HEATR5B: variants seen among roughly 807,000 people sequenced by gnomAD.
The protein encoded by HEATR5B is HEAT repeat containing 5B, also known as HEAT repeat-containing protein 5B.
In HEATR5B, 156 loss-of-function variants were observed where a neutral mutation model predicts 224.1. That is an observed-to-expected ratio of 0.70 (90% confidence interval 0.61 to 0.80). The LOEUF is 0.80. Among genes scored for constraint, HEATR5B ranks in the 30% least tolerant of loss-of-function variants. HEATR5B has a pLI of 0.00. For synonymous variants in HEATR5B, 1,027 were observed against 893.0 expected (o/e 1.15, Z -2.68); for missense variants, 2,323 against 2,535.5 (o/e 0.92, Z 1.80).
intron 11 of HEATR5B, among the ~76,000 whole-genome samples, chr2:37,061,560 C>A (rs529384636): frequency 6.6e-6 from 1 of 152,240 alleles, no homozygotes; most frequent in South Asian, 2.1e-4. Context: ...TTAAGGGTTA[C>A]CCCAGAAAAG....
rs1351846494 is a variant in HEATR5B, at chr2:36,990,831, T to G, written c.5546-32A>C. The G allele has an allele frequency of 3.3e-6, 5 of 1,515,266 alleles. No homozygotes were observed. The South Asian group carries it at 6.3e-5, about 19-fold the overall frequency. 93.9% of individuals were successfully genotyped at this position (1,515,266 alleles called of 1,614,324 possible). A position where few individuals can be genotyped will look rare whatever the true frequency, so the allele number is the denominator to read the frequency against. On this transcript the variant is annotated intron_variant, in intron 33 of 35. Transcript: ENST00000233099. ...ATGAAAAATGAAAGAAGTGTGCTGT[T>G]TCTAAAACATTTTGGCATTTTATTT...
intron 10 of HEATR5B, among the ~76,000 whole-genome samples, chr2:37,062,263 C>A (rs1469953787): frequency 6.6e-6 from 1 of 151,788 alleles, no homozygotes; most frequent in Non-Finnish European, 1.5e-5. Flanking sequence ...CCTGTCTCTA[C>A]CAAAAAATAC....
At chr2:36,984,842 A>G (rs188743171) in intron 35 of HEATR5B, among the ~76,000 whole-genome samples, 1 of 152,334 alleles carries the variant, frequency 6.6e-6, no homozygotes, top group East Asian at 1.9e-4. Flanking sequence ...ATCAGCTAGG[A>G]AAACTATTAT....
At chr2:37,060,870 ATC>A (rs148634022) in intron 11 of HEATR5B, 137 bp from the exon 12 acceptor site, 21,735 of 549,508 alleles carry the variant, frequency 0.04, 557 homozygotes, top group Non-Finnish European at 0.05. Context: ...GTTTAACAAT[ATC>A]TGTTATTTCA....
At chr2:37,023,407 A>G (rs757616218) in intron 24 of HEATR5B, among the ~76,000 whole-genome samples, 2 of 152,222 alleles carry the variant, frequency 1.3e-5, no homozygotes, top group Non-Finnish European at 2.9e-5. Flanking sequence ...TGTCAAAGTT[A>G]TAAGATGTGT....
intron 18 of HEATR5B, among the ~76,000 whole-genome samples, chr2:37,042,825 G>C (rs920289083): frequency 6.7e-6 from 1 of 150,112 alleles, no homozygotes; most frequent in African/African-American, 2.5e-5. Context: ...CAGGGAGGCA[G>C]AGGCTGTAGA....
At chr2:36,991,704 T>G (rs1413329468) in intron 33 of HEATR5B, among the ~76,000 whole-genome samples, 1 of 152,194 alleles carries the variant, frequency 6.6e-6, no homozygotes, top group East Asian at 1.9e-4. Context: ...ATTTTGTGAT[T>G]ATCATTTCTT....
At chr2:37,070,676 C>G (rs1296022402) in intron 6 of HEATR5B, among the ~76,000 whole-genome samples, 1 of 152,038 alleles carries the variant, frequency 6.6e-6, no homozygotes, top group Non-Finnish European at 1.5e-5. Context: ...CAAAGCATAC[C>G]CACAGCAGAT....
chr2:36,998,295 A>C (rs993829229), intron 33 of HEATR5B, among the ~76,000 whole-genome samples: 6 of 152,268 alleles, frequency 3.9e-5, no homozygotes, highest in Non-Finnish European at 7.3e-5. Flanking sequence ...AAACATAGAC[A>C]TGAAAAATGT....
intron 16 of HEATR5B, among the ~76,000 whole-genome samples, chr2:37,054,349 T>G (rs1670758699): frequency 6.6e-6 from 1 of 151,500 alleles, no homozygotes; most frequent in African/African-American, 2.4e-5. Flanking sequence ...GCCTGGCTAA[T>G]TTTGTATTTT....
intron 3 of HEATR5B, among the ~76,000 whole-genome samples, chr2:37,077,600 G>A (rs1026955037): frequency 4.6e-5 from 7 of 152,206 alleles, no homozygotes; most frequent in Admixed American, 6.5e-5. Context: ...GAGCCACAGC[G>A]CCCGGCCCCT....
At chr2:37,040,590 G>T in intron 19 of HEATR5B, 72 bp from the exon 20 acceptor site, 1 of 1,079,470 alleles carries the variant, frequency 9.3e-7, no homozygotes. Context: ...ATACTGAATT[G>T]TTACATGGGT....
intron 18 of HEATR5B, among the ~76,000 whole-genome samples, chr2:37,047,239 CA>C (rs893621385): frequency 2.6e-5 from 4 of 151,760 alleles, no homozygotes; most frequent in Non-Finnish European, 4.4e-5. Flanking sequence ...CTATCTGTAA[CA>C]TTATTTCTAA....
intron 34 of HEATR5B, among the ~76,000 whole-genome samples, chr2:36,990,232 T>C (rs565564373): frequency 4.7e-4 from 71 of 152,274 alleles, no homozygotes; most frequent in Admixed American, 1.3e-3. Context: ...TTCTGACGTG[T>C]AGCAGGCTTG....
At chr2:37,053,700 G>T in intron 16 of HEATR5B, 93 bp from the exon 17 acceptor site, 1 of 626,068 alleles carries the variant, frequency 1.6e-6, no homozygotes, top group Non-Finnish European at 2.7e-6. Flanking sequence ...TAATTGTTTA[G>T]CAAATAATTC....
At chr2:36,982,484 C>T (rs1472577706) in intron 35 of HEATR5B, among the ~76,000 whole-genome samples, 1 of 152,064 alleles carries the variant, frequency 6.6e-6, no homozygotes, top group Non-Finnish European at 1.5e-5. Flanking sequence ...TAACAATTAA[C>T]CTTTATATGT....
At chr2:37,024,775 A>G (rs1668666721) in intron 24 of HEATR5B, among the ~76,000 whole-genome samples, 1 of 152,238 alleles carries the variant, frequency 6.6e-6, no homozygotes, top group South Asian at 2.1e-4. Context: ...GTCTAGGACT[A>G]TATCAATCTA....
chr2:37,007,064 ATTCT>A lies in HEATR5B; in HGVS notation c.4759_4762del (p.Arg1587CysfsTer3). ...GACAGACCTACCTAAAATCAGATGC[ATTCT>A]GTCTTTGTTAATTTCTGGCAAAGAT... On this transcript the variant is annotated frameshift_variant, in exon 29 of 36. Coordinates refer to ENST00000233099, the MANE Select transcript of HEATR5B (RefSeq NM_019024.3). LOFTEE classifies it high-confidence loss of function. 2 of 1,613,986 alleles carry A rather than the reference ATTCT, an allele frequency of 1.2e-6. No homozygotes were observed. The highest frequency in any genetic ancestry group is 1.7e-6 in the Non-Finnish European group (2 of 1,179,822).
chr2:36,993,110 A>G (rs1030415380), intron 33 of HEATR5B, among the ~76,000 whole-genome samples: 4 of 152,164 alleles, frequency 2.6e-5, no homozygotes, highest in African/African-American at 9.6e-5. Context: ...CTTTTGGAGA[A>G]GGGGCTGATT....
Sources: gnomAD v4.1 joint callset for allele counts (sites outside exome capture counted in the v4.1 genomes callset) on GRCh38, gnomAD v4.1.1 for gene constraint, MANE v1.5 for transcripts, NCBI Gene and HGNC (gene_info 2026-07-23, HGNC 2026-07-21) for gene names.